The following MYH7 variants were observed in gnomAD, a reference collection of about 807,000 sequenced individuals.
MYH7 encodes myosin heavy chain 7, also known as myosin-7.
In MYH7, 129 loss-of-function variants were observed where a neutral mutation model predicts 225.4. That is an observed-to-expected ratio of 0.57 (90% CI 0.50 to 0.66). MYH7 has a LOEUF of 0.66. MYH7 is among the 30% of genes least tolerant of loss of function. The probability of loss-of-function intolerance (pLI) is 0.00; values close to 1 mark genes in which losing one functional copy is unlikely to be tolerated. For synonymous variants in MYH7, 971 were observed against 1,007.6 expected, an observed-to-expected ratio of 0.96 and a Z score of 0.69; for missense variants, 1,649 against 2,517.0, an observed-to-expected ratio of 0.66 and a Z score of 7.38.
intron 24 of MYH7, among the ~76,000 whole-genome samples, chr14:23,423,290 T>C (rs1892552160): frequency 6.6e-6 from 1 of 152,116 alleles, no homozygotes; most frequent in Non-Finnish European, 1.5e-5. Context: ...AGAAAACTCA[T>C]CTCTATTATT....
chr14:23,431,061 T>A (rs1335749293), intron 9 of MYH7, 62 bp from the exon 10 acceptor site: 2 of 1,245,452 alleles, frequency 1.6e-6, no homozygotes, highest in East Asian at 4.6e-5. Flanking sequence ...ACAAGGAAAA[T>A]TAATGATAAA....
In MYH7 at chr14:23,420,231, G is replaced by A. The variant is rs1204830698; in HGVS notation, c.3340C>T (p.Arg1114Cys). The A allele has an allele frequency of 6.2e-7, 1 of 1,609,306 alleles. No individual in the cohort carries two copies. The highest frequency in any genetic ancestry group is 8.5e-7 in the Non-Finnish European group (1 of 1,178,714). The change falls in exon 27 of 40, where the codon CGC becomes TGC. Residue 1114 changes from arginine (R) to cysteine (C), a missense_variant. Physicochemically the swap from Arg to Cys is radical, Grantham distance 180. Around this residue, in one of 12 missense-constraint regions of MYH7, gnomAD observed 106 missense variants for 198.8 expected, o/e 0.53. Coordinates refer to ENST00000355349, the MANE Select transcript of MYH7 (RefSeq NM_000257.4). Reference sequence around the variant, plus strand: ...AGCTCCTCCTCCAGCTCCTCGATGCGTGCCTGGTCAGACACAAAGGGCTCA... The same window carrying A: ...AGCTCCTCCTCCAGCTCCTCGATGCATGCCTGGTCAGACACAAAGGGCTCA... ...LQKKLKELQA[R>C]IEELEEELEA...
At position 23,426,032 on chromosome 14, in the gene MYH7, C is replaced by T. The variant is rs1892684706; in HGVS notation, c.2094G>A (p.Val698=). The change falls in exon 19 of 40, where the codon GTG becomes GTA. Residue 698 remains valine (V), a synonymous_variant. Coordinates refer to ENST00000355349, the MANE Select transcript of MYH7 (RefSeq NM_000257.4). ...TCCTGCAGATGCGGATGCCCTCCAG[C>T]ACACCATTGCAGCGCAGCTGGTGCA... The part of the protein sequence containing the change: ...LVMHQLRCNG[V]LEGIRICRKG... 1 of 1,614,214 alleles carries T rather than the reference C, an allele frequency of 6.2e-7. No homozygotes were observed. Among genetic ancestry groups the T allele is most frequent in the Non-Finnish European group, 8.5e-7 (1 of 1,180,038 alleles).
chr14:23,417,543 G>A lies in MYH7; in HGVS notation c.4313C>T (p.Ala1438Val). 6.2e-7 allele frequency: 1 copy of A among 1,612,354 alleles called. No individual in the cohort carries two copies. Among genetic ancestry groups the A allele is most frequent in the Non-Finnish European group, 8.5e-7 (1 of 1,180,036 alleles). ...CTGCTTCTTGTCCAGGGCTGCAGCA[G>A]CAGCATTGGAGCGCTCTACGTCCAC... ...LMVDVERSNA[A>V]AAALDKKQRN... is the part of the protein sequence containing the mutation. Residue 1438 changes from alanine (A) to valine (V), a missense_variant, in exon 31 of 40, where the codon GCT becomes GTT. This residue lies in a region of MYH7 where 687 missense variants were observed against 913.8 expected (regional missense o/e 0.75). Coordinates refer to ENST00000355349, the MANE Select transcript of MYH7 (RefSeq NM_000257.4).
intron 31 of MYH7, 70 bp downstream of exon 31, chr14:23,417,433 C>T (rs1892266205): frequency 6.8e-6 from 11 of 1,611,978 alleles, no homozygotes; most frequent in South Asian, 4.4e-5. Context: ...GAGGATGGCT[C>T]TGGCCTCTCA....
intron 30 of MYH7, 63 bp downstream of exon 30, chr14:23,418,147 G>C: frequency 6.2e-7 from 1 of 1,611,030 alleles, no homozygotes; most frequent in South Asian, 1.1e-5. Context: ...GCTGAGGCTG[G>C]GGCTGGGCTG....
rs1595074307 is a variant in MYH7 at position 23,416,927 on chromosome 14, C to A, written c.4585G>T (p.Val1529Phe). The A allele has an allele frequency of 6.2e-7, 1 of 1,614,142 alleles. No homozygotes were observed. The highest frequency in any genetic ancestry group is 8.5e-7 in the Non-Finnish European group (1 of 1,180,062). The stretch of plus-strand genomic sequence containing the variant: ...TTCTCGGCCTCCAGCTGCTTTCGGA[C>A]CTTCTCCAGCTCATGGATAGTCTTT... ...SGKTIHELEK[V>F]RKQLEAEKME... The change falls in exon 33 of 40, where the codon GTC becomes TTC. Residue 1529 changes from valine (V) to phenylalanine (F), a missense_variant. By Grantham distance (50) the Val-to-Phe change is conservative. Coordinates refer to ENST00000355349, the MANE Select transcript of MYH7 (RefSeq NM_000257.4).
At position 23,415,352 on chromosome 14, in the gene MYH7, G is replaced by C; in HGVS notation, c.5283+29C>G. ...CCAGCCCACGGAGAGACACTGGTCT[G>C]GATCGGGTCGGTGGAGTGGGGGACT... On this transcript the variant is annotated intron_variant, in intron 36 of 39. Coordinates refer to ENST00000355349, the MANE Select transcript of MYH7 (RefSeq NM_000257.4). The surrounding 1 kb of genome is among the most constrained non-coding windows in gnomAD (Gnocchi z 6.3). The C allele has an allele frequency of 1.2e-6, 2 of 1,614,224 alleles. No individual in the cohort carries two copies. Among genetic ancestry groups the C allele is most frequent in the Non-Finnish European group, 1.7e-6 (2 of 1,180,042 alleles).
Position 23,424,063 on chromosome 14 carries a change from C to T in MYH7, c.2766G>A (p.Met922Ile), listed in dbSNP as rs138756911. 6.2e-7 allele frequency: 1 copy of T among 1,614,254 alleles called. No individual in the cohort carries two copies. The highest frequency in any genetic ancestry group is 8.5e-7 in the Non-Finnish European group (1 of 1,180,046). Residue 922 changes from methionine to isoleucine, a missense_variant, in exon 23 of 40, where the codon ATG (methionine) becomes ATA (isoleucine). Physicochemically the swap from Met to Ile is conservative, Grantham distance 10. Coordinates refer to ENST00000355349, the MANE Select transcript of MYH7 (RefSeq NM_000257.4). ...CCTCCTCATCCTCCAGCCTCTCGTT[C>T]ATCTCCTTCACCTTGGCCTCCAGCT... is the stretch of plus-strand genomic sequence containing the variant. ...KIQLEAKVKE[M>I]NERLEDEEEM...
rs1893023941 is a variant in MYH7, at chr14:23,433,320, G to C, written c.202-93C>G. ...AGTTGGTGAGTGACAGGGCAATAGT[G>C]CTCAAGAGAGAAGGAACCAGGATCT... On this transcript the variant is annotated intron_variant, in intron 3 of 39. Coordinates refer to ENST00000355349, the MANE Select transcript of MYH7 (RefSeq NM_000257.4). The surrounding 1 kb of genome is among the most constrained non-coding windows in gnomAD (Gnocchi z 4.1). 5 of 1,575,786 alleles carry C rather than the reference G, an allele frequency of 3.2e-6. No homozygotes were observed. The South Asian group carries it at 5.6e-5, about 18-fold the overall frequency.
Position 23,418,368 on chromosome 14 carries a change from C to G in MYH7, c.4011G>C (p.Arg1337=). 6.2e-7 allele frequency: 1 copy of G among 1,613,400 alleles called. No individual in the cohort carries two copies. The highest frequency in any genetic ancestry group is 8.5e-7 in the Non-Finnish European group (1 of 1,179,606). The part of the protein sequence containing the change: ...NALAHALQSA[R]HDCDLLREQY... ...GCTCCCGCAGCAGGTCGCAGTCATG[C>G]CGGGCCGACTGCAGTGCGTGGGCCA... Residue 1337 remains arginine, a synonymous_variant, in exon 30 of 40, where the codon CGG becomes CGC. Transcript: ENST00000355349.
rs28730783 is a variant in MYH7, at chr14:23,424,206, G to C, written c.2680-57C>G. Reference sequence around the variant, plus strand: ...AGGGGGTAAGGTCCTCATTCTTGCAGGTAGAGGGAAGGAGAGGCACATCAC... The same window carrying C: ...AGGGGGTAAGGTCCTCATTCTTGCACGTAGAGGGAAGGAGAGGCACATCAC... On this transcript the variant is annotated intron_variant, in intron 22 of 39. Coordinates refer to ENST00000355349, the MANE Select transcript of MYH7 (RefSeq NM_000257.4). 2.7e-3 allele frequency: 4,282 copies of C among 1,608,992 alleles called. 100 individuals carry two copies. The African/African-American group carries it at 0.049, about 18-fold the overall frequency.
chr14:23,418,464 C>T (rs1482575168), intron 29 of MYH7, 58 bp from the exon 30 acceptor site: 3 of 1,528,118 alleles, frequency 2.0e-6, no homozygotes, highest in South Asian at 1.3e-5. Context: ...GCAACCCCAC[C>T]CTTGCCCTTC....
chr14:23,420,840 C>T, intron 26 of MYH7, 118 bp downstream of exon 26: 1 of 790,662 alleles, frequency 1.3e-6, no homozygotes, highest in Non-Finnish European at 2.2e-6. Flanking sequence ...GCGTGCCTGC[C>T]TCCATGGACA....
chr14:23,432,214 C>T (rs992448867), intron 6 of MYH7, among the ~76,000 whole-genome samples: 5 of 151,800 alleles, frequency 3.3e-5, no homozygotes, highest in Non-Finnish European at 5.9e-5. Context: ...GAAGACATGG[C>T]GATAATGAGC....
rs1168111881 is a variant in MYH7 at position 23,433,776 on chromosome 14, C to T, written c.-8-36G>A. 6.3e-6 allele frequency: 10 copies of T among 1,599,154 alleles called. No homozygotes were observed. In the East Asian group the frequency reaches 1.8e-4, roughly 29 times the overall value. On this transcript the variant is annotated intron_variant, in intron 2 of 39. Transcript: ENST00000355349. The surrounding 1 kb of genome is among the most constrained non-coding windows in gnomAD (Gnocchi z 4.1). ...CAGAAGCTGGCTGCCCTCCCATCTG[C>T]CCATTCTTCCCTTCCCTCCCTGGGC...
At position 23,416,958 on chromosome 14, in the gene MYH7, G is replaced by A; in HGVS notation, c.4554C>T (p.Ser1518=). ...CCAGCTCATGGATAGTCTTTCCGCT[G>A]GAACCCAACTGCTCAGTCAAGTCGG... ...EISDLTEQLG[S]SGKTIHELEK... The change falls in exon 33 of 40, where the codon TCC becomes TCT. Residue 1518 remains serine, a synonymous_variant. Transcript: ENST00000355349. 1.2e-6 allele frequency: 2 copies of A among 1,614,238 alleles called. No individual in the cohort carries two copies. The highest frequency in any genetic ancestry group is 1.7e-6 in the Non-Finnish European group (2 of 1,180,042).
At chr14:23,418,543 G>T in intron 29 of MYH7, 137 bp from the exon 30 acceptor site, 3 of 1,083,818 alleles carry the variant, frequency 2.8e-6, no homozygotes, top group Non-Finnish European at 3.9e-6. Context: ...ACCTGTCATG[G>T]TTTACTGTTT....
chr14:23,421,141 A>C (rs1411097468), intron 25 of MYH7, 93 bp from the exon 26 acceptor site: 3 of 913,758 alleles, frequency 3.3e-6, no homozygotes, highest in African/African-American at 3.2e-5. Context: ...ACAGGTAAAG[A>C]GTAGGATTTC....
Sources: gnomAD v4.1 joint callset for allele counts (sites outside exome capture counted in the v4.1 genomes callset) on GRCh38, gnomAD v4.1.1 for gene constraint, gnomAD v4.1.1 regional missense constraint, Gnocchi (gnomAD v3.1) non-coding constraint, MANE v1.5 for transcripts, NCBI Gene and HGNC (gene_info 2026-07-23, HGNC 2026-07-21) for gene names.